The following ACVR1 variants were observed in gnomAD, a reference collection of about 807,000 sequenced individuals.
ACVR1 encodes activin receptor type-1.
In ACVR1, 38 loss-of-function variants were observed where a neutral mutation model predicts 57.1. The observed-to-expected ratio is 0.67, with a 90% CI of 0.51 to 0.87. The LOEUF is 0.87. Among genes scored for constraint, ACVR1 ranks in the 40% least tolerant of loss-of-function variants. The pLI, the probability that ACVR1 is intolerant of heterozygous loss-of-function variation, is 0.00. For synonymous variants in ACVR1, 212 were observed against 228.1 expected (o/e 0.93, Z 0.63); for missense variants, 463 against 638.2 (o/e 0.73, Z 2.96).
At chr2:157,854,461 G>A (rs1262046608) in intron 1 of ACVR1, among the ~76,000 whole-genome samples, 3 of 152,254 alleles carry the variant, frequency 2.0e-5, no homozygotes, top group East Asian at 1.9e-4. Context: ...AGTGGCTCAC[G>A]CCTGTAATCC....
intron 1 of ACVR1, among the ~76,000 whole-genome samples, chr2:157,826,358 G>C (rs62175463): frequency 6.6e-6 from 1 of 152,084 alleles, no homozygotes; most frequent in Non-Finnish European, 1.5e-5. Flanking sequence ...CATGAATGAA[G>C]TTTAAAATTA....
chr2:157,758,077 T>C (rs1470155660), intron 9 of ACVR1, among the ~76,000 whole-genome samples: 1 of 151,970 alleles, frequency 6.6e-6, no homozygotes, highest in Non-Finnish European at 1.5e-5. Flanking sequence ...ACATGATGTC[T>C]TCAAGAAACC....
chr2:157,790,345 G>C (rs1300778433), intron 3 of ACVR1: 1 of 152,168 alleles, frequency 6.6e-6, no homozygotes, highest in Non-Finnish European at 1.5e-5. Flanking sequence ...GCTGCCCAGT[G>C]CTCCTCCCAA....
intron 8 of ACVR1, among the ~76,000 whole-genome samples, chr2:157,761,954 C>A (rs1685673741): frequency 6.6e-6 from 1 of 152,204 alleles, no homozygotes; most frequent in African/African-American, 2.4e-5. Context: ...AAGCCATCTA[C>A]AGAGAATGCT....
At chr2:157,837,360 C>T (rs1688817916) in intron 1 of ACVR1, among the ~76,000 whole-genome samples, 1 of 152,170 alleles carries the variant, frequency 6.6e-6, no homozygotes, top group Admixed American at 6.5e-5. Flanking sequence ...ACAGCCTTAC[C>T]TGGCCCACAG....
At position 157,811,888 on chromosome 2, in the gene ACVR1, G is replaced by A. The variant is rs1425565314; in HGVS notation, c.-8+6497C>T. On this transcript the variant is annotated intron_variant, in intron 2 of 10. Coordinates refer to ENST00000434821, the MANE Select transcript of ACVR1 (RefSeq NM_001111067.4). ...ACTAGCAGTATAGTGTTAGCATTGT[G>A]GCACTTCTGAGAATACTGTGTGTAT... Among the ~76,000 whole-genome samples the A allele has an allele frequency of 3.3e-5, 5 of 152,134 alleles. No homozygotes were observed. In the South Asian group the frequency reaches 8.3e-4, roughly 25 times the overall value.
intron 3 of ACVR1, among the ~76,000 whole-genome samples, chr2:157,788,880 T>C (rs1686810047): frequency 6.6e-6 from 1 of 152,120 alleles, no homozygotes; most frequent in Admixed American, 6.5e-5. Flanking sequence ...TCCCCATTCA[T>C]TTCCCAAGGC....
In ACVR1 at chr2:157,739,941, T is replaced by C. The variant is rs1051939376; in HGVS notation, c.1265-1371A>G. Among the ~76,000 whole-genome samples, 4 of 152,228 alleles carry C rather than the reference T, an allele frequency of 2.6e-5. No individual in the cohort carries two copies. In the East Asian group the frequency reaches 5.8e-4, roughly 22 times the overall value. ...CGTTCACGCCTGTAATCTCAGCACT[T>C]TGGGAGGTCGTGGTGGGTGGACCAC... On this transcript the variant is annotated intron_variant, in intron 9 of 10. Coordinates refer to ENST00000434821, the MANE Select transcript of ACVR1 (RefSeq NM_001111067.4).
rs1462678334 is a variant in ACVR1 at position 157,875,866 on chromosome 2, G to C, written c.-253C>G. On this transcript the variant is annotated 5_prime_UTR_variant, in exon 1 of 11. Coordinates refer to ENST00000434821, the MANE Select transcript of ACVR1 (RefSeq NM_001111067.4). ...GCGAGGCAGCCGGGCGCTGCAGGTC[G>C]GCGCGGCGCGGGGCGGCGCGGGGCG... The C allele has an allele frequency of 1.3e-5, 2 of 148,842 alleles. No individual in the cohort carries two copies. Among genetic ancestry groups the C allele is most frequent in the Non-Finnish European group, 3.0e-5 (2 of 66,548 alleles). 9.2% of individuals were successfully genotyped at this position (148,842 alleles called of 1,614,324 possible).
At chr2:157,745,315 A>C (rs1684926915) in intron 9 of ACVR1, among the ~76,000 whole-genome samples, 1 of 152,234 alleles carries the variant, frequency 6.6e-6, no homozygotes, top group Admixed American at 6.5e-5. Flanking sequence ...CGAGAAAGAG[A>C]GGAGCACCAC....
chr2:157,838,701 C>T (rs1221085752), intron 1 of ACVR1, among the ~76,000 whole-genome samples: 1 of 152,088 alleles, frequency 6.6e-6, no homozygotes, highest in African/African-American at 2.4e-5. Flanking sequence ...CTGCAGATTC[C>T]GAGGAGGGTC....
intron 1 of ACVR1, among the ~76,000 whole-genome samples, chr2:157,863,134 T>C (rs1689783934): frequency 7.3e-6 from 1 of 136,584 alleles, no homozygotes; most frequent in Admixed American, 8.0e-5. Context: ...TGCCTCAGCC[T>C]CCCAAGTAGC....
intron 1 of ACVR1, among the ~76,000 whole-genome samples, chr2:157,873,049 TA>T (rs1690162950): frequency 6.6e-6 from 1 of 152,238 alleles, no homozygotes; most frequent in African/African-American, 2.4e-5. Flanking sequence ...TAGTAATACA[TA>T]ATTTCCTCTC....
chr2:157,757,037 T>A (rs1685465086), intron 9 of ACVR1, among the ~76,000 whole-genome samples: 1 of 131,382 alleles, frequency 7.6e-6, no homozygotes, highest in Non-Finnish European at 1.6e-5. Context: ...TATATATATA[T>A]ATATATAAAA....
chr2:157,826,945 CAGAG>C (rs750883575), intron 1 of ACVR1, among the ~76,000 whole-genome samples: 77 of 147,156 alleles, frequency 5.2e-4, no homozygotes, highest in Non-Finnish European at 1.0e-3. Flanking sequence ...AAGAGAGAAA[CAGAG>C]AGAAAGAGAA....
At chr2:157,874,490 G>C (rs1050277393) in intron 1 of ACVR1, among the ~76,000 whole-genome samples, 2 of 152,142 alleles carry the variant, frequency 1.3e-5, no homozygotes, top group Non-Finnish European at 2.9e-5. Context: ...CCCAAGCCTG[G>C]GCCCCTGGCC....
At chr2:157,868,064 CAG>C (rs1689999671) in intron 1 of ACVR1, among the ~76,000 whole-genome samples, 1 of 152,166 alleles carries the variant, frequency 6.6e-6, no homozygotes, top group Non-Finnish European at 1.5e-5. Flanking sequence ...ATGTGCTCTA[CAG>C]AGTCAAGTCA....
intron 3 of ACVR1, among the ~76,000 whole-genome samples, chr2:157,791,611 T>C (rs966225941): frequency 6.6e-6 from 1 of 152,174 alleles, no homozygotes; most frequent in Non-Finnish European, 1.5e-5. Flanking sequence ...ATTGTTTCCA[T>C]CGTACCAGGT....
chr2:157,754,651 T>G (rs1440795325), intron 9 of ACVR1, among the ~76,000 whole-genome samples: 1 of 152,094 alleles, frequency 6.6e-6, no homozygotes, highest in Non-Finnish European at 1.5e-5. Flanking sequence ...CAGGACCAGA[T>G]GAATTCACAG....
Sources: gnomAD v4.1 joint callset for allele counts (sites outside exome capture counted in the v4.1 genomes callset) on GRCh38, gnomAD v4.1.1 for gene constraint, MANE v1.5 for transcripts, NCBI Gene and HGNC (gene_info 2026-07-23, HGNC 2026-07-21) for gene names.